Variants in ICAM5 observed in about 807,000 individuals in gnomAD.
ICAM5 encodes intercellular adhesion molecule 5.
In ICAM5, 38 loss-of-function variants were observed where a neutral mutation model predicts 78.8. That is an observed-to-expected ratio of 0.48 (90% CI 0.37 to 0.63). ICAM5 has a LOEUF of 0.63. Ranked by LOEUF, ICAM5 falls within the 30% of genes least tolerant of loss-of-function variation. ICAM5 has a pLI of 0.00. For missense variants in ICAM5, 1,059 were observed against 1,303.0 expected, an observed-to-expected ratio of 0.81 and a Z score of 2.88; for synonymous variants, 544 against 590.9, an observed-to-expected ratio of 0.92 and a Z score of 1.15.
Position 10,294,748 on chromosome 19 carries a change from G to T in ICAM5, c.2230+108G>T. The T allele has an allele frequency of 6.5e-7, 1 of 1,530,878 alleles. No homozygotes were observed. The highest frequency in any genetic ancestry group is 8.8e-7 in the Non-Finnish European group (1 of 1,131,600). 94.8% of individuals were successfully genotyped at this position (1,530,878 alleles called of 1,614,324 possible). ...TCCCAATCCCATTCTCGGGGACAGG[G>T]AATTCCAGCCTAAACCAGGGGGTAA... is the stretch of plus-strand genomic sequence containing the variant. On this transcript the variant is annotated intron_variant, in intron 9 of 10. Transcript: ENST00000221980. The surrounding 1 kb of genome is among the most constrained non-coding windows in gnomAD (Gnocchi z 7.7).
intron 3 of ICAM5, 113 bp downstream of exon 3, chr19:10,291,922 C>A: frequency 6.8e-7 from 1 of 1,477,550 alleles, no homozygotes; most frequent in South Asian, 1.2e-5. Flanking sequence ...GCCGGCTGAG[C>A]TGTTTCCCCC....
At position 10,292,656 on chromosome 19, in the gene ICAM5, G is replaced by A. The variant is rs2040183913; in HGVS notation, c.1006G>A (p.Glu336Lys). 1 of 1,600,994 alleles carries A rather than the reference G, an allele frequency of 6.2e-7. No homozygotes were observed. Among genetic ancestry groups the A allele is most frequent in the African/African-American group, 1.3e-5 (1 of 74,238 alleles). Residue 336 changes from glutamate (E) to lysine (K), a missense_variant, in exon 5 of 11, where the codon GAG becomes AAG. Physicochemically the swap from Glu to Lys is moderately conservative, Grantham distance 56. Coordinates refer to ENST00000221980, the MANE Select transcript of ICAM5 (RefSeq NM_003259.4). ...GACCCTGAGCGAACCCAGCGTCTCC[G>A]AGGGGCAGATGGTGACAGTAACCTG... is the stretch of plus-strand genomic sequence containing the variant. Reference protein sequence around the residue: ...LLTLSEPSVSEGQMVTVTCAA... With the variant: ...LLTLSEPSVSKGQMVTVTCAA...
rs1214465316 is a variant in ICAM5, at chr19:10,292,135, A to G, written c.774A>G (p.Ser258=). The change falls in exon 4 of 11, where the codon TCA becomes TCG. Residue 258 remains serine (S), a synonymous_variant. Coordinates refer to ENST00000221980, the MANE Select transcript of ICAM5 (RefSeq NM_003259.4). ...SCTLDGLFPA[S]EARVYLALGD... ...CTCTGGACGGACTGTTTCCAGCCTC[A>G]GAGGCCAGGGTCTACCTCGCACTGG... The G allele has an allele frequency of 3.1e-6, 5 of 1,613,324 alleles. No homozygotes were observed. The African/African-American group carries it at 5.3e-5, about 17-fold the overall frequency.
chr19:10,294,533 C>A lies in ICAM5; in HGVS notation c.2123C>A (p.Pro708Gln), dbSNP rs769085228. 1 of 1,610,376 alleles carries A rather than the reference C, an allele frequency of 6.2e-7. No homozygotes were observed. The highest frequency in any genetic ancestry group is 1.1e-5 in the South Asian group (1 of 90,568). ...GTGCGCTGCTCTCGGGAAGGCATCC[C>A]ATGGCCTGAGCAGCAGCGCGTGTCC... ...PGVRCSREGIPWPEQQRVSRE... is the reference protein window; with the variant it reads ...PGVRCSREGIQWPEQQRVSRE... Residue 708 changes from proline to glutamine, a missense_variant, in exon 9 of 11, where the codon CCA becomes CAA. By Grantham distance (76) the Pro-to-Gln change is moderately conservative (BLOSUM62 -1). Around this residue, in one of 3 missense-constraint regions of ICAM5, gnomAD observed 135 missense variants for 230.2 expected, o/e 0.59. Coordinates refer to ENST00000221980, the MANE Select transcript of ICAM5 (RefSeq NM_003259.4). This position sits in a 1 kb window ranked among gnomAD's most constrained non-coding sequence, Gnocchi z 7.7.
Position 10,296,367 on chromosome 19 carries a change from C to T in ICAM5, c.2526C>T (p.Gly842=). The change falls in exon 11 of 11, where the codon GGC becomes GGT. Residue 842 remains glycine, a synonymous_variant. Transcript: ENST00000221980. ...AGPWLWVAVG[G]AAGGAALLAA... is the part of the protein sequence containing the mutation. ...CGTGGCTATGGGTCGCCGTGGGCGG[C>T]GCGGCGGGGGGCGCGGCGCTGCTGG... The T allele has an allele frequency of 2.4e-6, 3 of 1,251,978 alleles. No homozygotes were observed. The highest frequency in any genetic ancestry group is 3.3e-5 in the South Asian group (1 of 30,102). The allele number at this position is 1,251,978 out of a possible 1,614,324, so 77.6% of individuals were successfully genotyped here.
chr19:10,294,614 C>A lies in ICAM5; in HGVS notation c.2204C>A (p.Ser735Tyr), dbSNP rs2040206050. 4 of 1,612,858 alleles carry A rather than the reference C, an allele frequency of 2.5e-6. No homozygotes were observed. The highest frequency in any genetic ancestry group is 3.4e-6 in the Non-Finnish European group (4 of 1,179,888). Reference sequence around the variant, plus strand: ...GCCACCAATGCGCATGGCACGGACTCCCGGACCGTCACTGTGGGCGTGGAA... The same window carrying A: ...GCCACCAATGCGCATGGCACGGACTACCGGACCGTCACTGTGGGCGTGGAA... ...CVATNAHGTD[S>Y]RTVTVGVEYR... Residue 735 changes from serine (S) to tyrosine (Y), a missense_variant, in exon 9 of 11, where the codon TCC (serine) becomes TAC (tyrosine). By Grantham distance (144) the Ser-to-Tyr change is moderately radical (BLOSUM62 -2). Transcript: ENST00000221980. This position sits in a 1 kb window ranked among gnomAD's most constrained non-coding sequence, Gnocchi z 7.7.
chr19:10,294,217 G>A lies in ICAM5; in HGVS notation c.1889G>A (p.Arg630Lys). The A allele has an allele frequency of 1.2e-6, 2 of 1,614,036 alleles. No homozygotes were observed. Among genetic ancestry groups the A allele is most frequent in the South Asian group, 1.1e-5 (1 of 91,078 alleles). The change falls in exon 8 of 11, where the codon AGA becomes AAA. Residue 630 changes from arginine to lysine, a missense_variant. Physicochemically the swap from Arg to Lys is conservative, Grantham distance 26. This residue lies in a region of ICAM5 where 815 missense variants were observed against 952.8 expected (regional missense o/e 0.86). Coordinates refer to ENST00000221980, the MANE Select transcript of ICAM5 (RefSeq NM_003259.4). The surrounding 1 kb of genome is among the most constrained non-coding windows in gnomAD (Gnocchi z 7.7). ...CTGGCACCCCCAGACCCTAGTCCCA[G>A]AGCTCCCAGAATCCCTAGAGTCCTG... is the stretch of plus-strand genomic sequence containing the variant. The part of the protein sequence containing the change: ...LPLAPPDPSP[R>K]APRIPRVLAP...
rs771761367 is a variant in ICAM5, at chr19:10,293,203, T to C, written c.1422T>C (p.Asn474=). 14 of 1,606,404 alleles carry C rather than the reference T, an allele frequency of 8.7e-6. No homozygotes were observed. Among genetic ancestry groups the C allele is most frequent in the Non-Finnish European group, 1.0e-5 (12 of 1,176,522 alleles). ...LSGTYRCKAA[N]DQGEAVKDVT... ...GCACTTACCGCTGCAAGGCGGCCAA[T>C]GATCAAGGCGAGGCGGTCAAGGACG... The change falls in exon 6 of 11, where the codon AAT becomes AAC. Residue 474 remains asparagine (N), a synonymous_variant. Coordinates refer to ENST00000221980, the MANE Select transcript of ICAM5 (RefSeq NM_003259.4). This position sits in a 1 kb window ranked among gnomAD's most constrained non-coding sequence, Gnocchi z 5.0.
Position 10,294,678 on chromosome 19 carries a change from C to T in ICAM5, c.2230+38C>T. The T allele has an allele frequency of 6.2e-7, 1 of 1,609,732 alleles. No individual in the cohort carries two copies. The highest frequency in any genetic ancestry group is 1.7e-4 in the Middle Eastern group (1 of 6,036). On this transcript the variant is annotated intron_variant, in intron 9 of 10. Coordinates refer to ENST00000221980, the MANE Select transcript of ICAM5 (RefSeq NM_003259.4). The surrounding 1 kb of genome is among the most constrained non-coding windows in gnomAD (Gnocchi z 7.7). ...AGCACCGGATGGAGGGGACACGGTC[C>T]TCGGAAGAATGACTCGCAGCGGTGG...
chr19:10,296,370 G>A lies in ICAM5; in HGVS notation c.2529G>A (p.Ala843=). The A allele has an allele frequency of 1.6e-6, 2 of 1,254,374 alleles. No homozygotes were observed. The highest frequency in any genetic ancestry group is 2.0e-6 in the Non-Finnish European group (2 of 991,956). 77.7% of individuals were successfully genotyped at this position (1,254,374 alleles called of 1,614,324 possible). A position where few individuals can be genotyped will look rare whatever the true frequency, so the allele number is the denominator to read the frequency against. ...GPWLWVAVGG[A]AGGAALLAAG... ...GGCTATGGGTCGCCGTGGGCGGCGC[G>A]GCGGGGGGCGCGGCGCTGCTGGCCG... Residue 843 remains alanine, a synonymous_variant, in exon 11 of 11, where the codon GCG becomes GCA. Transcript: ENST00000221980.
intron 9 of ICAM5, 79 bp from the exon 10 acceptor site, chr19:10,295,267 A>G (rs1335700054): frequency 5.0e-6 from 7 of 1,410,714 alleles, no homozygotes; most frequent in Non-Finnish European, 6.5e-6. Context: ...TCTCCCATCG[A>G]TCGTTGTGGG....
At position 10,294,704 on chromosome 19, in the gene ICAM5, G is replaced by A. The variant is rs1232530776; in HGVS notation, c.2230+64G>A. ...TCGGAAGAATGACTCGCAGCGGTGG[G>A]AGCATTCAAGGGCACCTCTCCCAAT... On this transcript the variant is annotated intron_variant, in intron 9 of 10. Transcript: ENST00000221980. The surrounding 1 kb of genome is among the most constrained non-coding windows in gnomAD (Gnocchi z 7.7). The A allele has an allele frequency of 6.2e-7, 1 of 1,603,242 alleles. No individual in the cohort carries two copies. Among genetic ancestry groups the A allele is most frequent in the African/African-American group, 1.3e-5 (1 of 74,434 alleles).
Position 10,291,614 on chromosome 19 carries a change from G to C in ICAM5, c.478G>C (p.Gly160Arg), listed in dbSNP as rs751609350. The C allele has an allele frequency of 1.4e-5, 23 of 1,611,664 alleles. No individual in the cohort carries two copies. The African/African-American group carries it at 2.9e-4, about 21-fold the overall frequency. Residue 160 changes from glycine to arginine, a missense_variant, in exon 3 of 11, where the codon GGC becomes CGC. Transcript: ENST00000221980. ...RASLTLTLLRGAQELIRRSFA... is the reference protein window; with the variant it reads ...RASLTLTLLRRAQELIRRSFA... Reference sequence around the variant, plus strand: ...GAGCCTCACGCTGACCCTGCTGCGGGGCGCCCAGGAGCTGATCCGCCGCAG... The same window carrying C: ...GAGCCTCACGCTGACCCTGCTGCGGCGCGCCCAGGAGCTGATCCGCCGCAG...
At chr19:10,292,977 A>G (rs754262935) in intron 5 of ICAM5, 21 bp from the exon 6 acceptor site, 3 of 1,610,768 alleles carry the variant, frequency 1.9e-6, no homozygotes, top group Non-Finnish European at 2.5e-6. Context: ...AAGCCTCTGT[A>G]ACCCCACGCC....
intron 10 of ICAM5, among the ~76,000 whole-genome samples, chr19:10,296,132 C>T (rs1305580942): frequency 6.6e-6 from 1 of 152,140 alleles, no homozygotes; most frequent in Non-Finnish European, 1.5e-5. Flanking sequence ...TTTATATCCC[C>T]ATGGGCTGAA....
intron 9 of ICAM5, 56 bp from the exon 10 acceptor site, chr19:10,295,290 A>T (rs1188760640): frequency 3.4e-6 from 5 of 1,461,460 alleles, no homozygotes; most frequent in Non-Finnish European, 4.5e-6. Context: ...GGAGCAGGGC[A>T]TTTGATCAGT....
rs763846097 is a variant in ICAM5 at position 10,291,100 on chromosome 19, C to A, written c.111C>A (p.Asp37Glu). The change falls in exon 2 of 11, where the codon GAC (aspartate) becomes GAA (glutamate). Residue 37 changes from aspartate to glutamate, a missense_variant. By Grantham distance (45) the Asp-to-Glu change is conservative. Coordinates refer to ENST00000221980, the MANE Select transcript of ICAM5 (RefSeq NM_003259.4). ...SAVSQEPFWA[D>E]LQPRVAFVER... ...TCTCGCAGGAGCCCTTCTGGGCGGA[C>A]CTGCAGCCTCGCGTGGCGTTCGTGG... 6.2e-7 allele frequency: 1 copy of A among 1,611,620 alleles called. No homozygotes were observed. The highest frequency in any genetic ancestry group is 2.2e-5 in the East Asian group (1 of 44,858).
At position 10,290,217 on chromosome 19, in the gene ICAM5, C is replaced by T. The variant is rs1263321681; in HGVS notation, c.82+92C>T. 1.2e-5 allele frequency: 11 copies of T among 956,484 alleles called. No individual in the cohort carries two copies. The highest frequency in any genetic ancestry group is 6.9e-5 in the African/African-American group (4 of 58,004). The allele number at this position is 956,484 out of a possible 1,614,324, so 59.2% of individuals were successfully genotyped here. A position where few individuals can be genotyped will look rare whatever the true frequency, so the allele number is the denominator to read the frequency against. On this transcript the variant is annotated intron_variant, in intron 1 of 10. Coordinates refer to ENST00000221980, the MANE Select transcript of ICAM5 (RefSeq NM_003259.4). This position sits in a 1 kb window ranked among gnomAD's most constrained non-coding sequence, Gnocchi z 5.7. ...CTCCTGTCCCTCCCAGCTCTGCCCT[C>T]GCCTCGCTCCCACGCCTCTGCCCCC...
chr19:10,293,069 C>T lies in ICAM5; in HGVS notation c.1288C>T (p.Arg430Cys). 6.2e-7 allele frequency: 1 copy of T among 1,610,088 alleles called. No individual in the cohort carries two copies. ...GCCCGAGGGCCCAGAGCAGACGCTGCGCTGCGAGGCCCGCGGGAACCCAGA... is the reference window on the plus strand; with the variant it reads ...GCCCGAGGGCCCAGAGCAGACGCTGTGCTGCGAGGCCCGCGGGAACCCAGA... ...TWPEGPEQTL[R>C]CEARGNPEPS... The change falls in exon 6 of 11, where the codon CGC (arginine) becomes TGC (cysteine). Residue 430 changes from arginine (R) to cysteine (C), a missense_variant. Arg to Cys is a radical substitution (Grantham distance 180, BLOSUM62 -3). This residue lies in a region of ICAM5 where 815 missense variants were observed against 952.8 expected (regional missense o/e 0.86). Transcript: ENST00000221980. This position sits in a 1 kb window ranked among gnomAD's most constrained non-coding sequence, Gnocchi z 5.0.
Sources: allele counts gnomAD v4.1 joint callset (sites outside exome capture counted in the v4.1 genomes callset), GRCh38; gene constraint gnomAD v4.1.1; regional missense constraint gnomAD v4.1.1; non-coding constraint Gnocchi (gnomAD v3.1); transcripts MANE v1.5; gene names NCBI Gene and HGNC (gene_info 2026-07-23, HGNC 2026-07-21).